WDR35: variants seen among roughly 807,000 people sequenced by gnomAD.
The protein encoded by WDR35 is WD repeat domain 35, also known as WD repeat-containing protein 35.
In WDR35, 118 loss-of-function variants were observed where a neutral mutation model predicts 158.3. The ratio of observed to expected loss-of-function variants is 0.75; its 90% CI spans 0.64 to 0.87. The LOEUF is 0.87. Ranked by LOEUF, WDR35 falls within the 40% of genes least tolerant of loss-of-function variation. The pLI, the probability that WDR35 is intolerant of heterozygous loss-of-function variation, is 0.00. For missense variants in WDR35, 1,263 were observed against 1,405.8 expected (o/e 0.90, Z 1.62); for synonymous variants, 448 against 476.1 (o/e 0.94, Z 0.77).
chr2:19,936,073 G>A lies in WDR35; in HGVS notation c.2414+146C>T, dbSNP rs542459708. 1.0e-4 allele frequency: 133 copies of A among 1,331,440 alleles called. 1 individual carries two copies. The highest frequency in any genetic ancestry group is 1.9e-4 in the African/African-American group (13 of 68,518). 82.5% of individuals were successfully genotyped at this position (1,331,440 alleles called of 1,614,324 possible). Reference sequence around the variant, plus strand: ...CATCTCACAACTTCACAGGATCTCCGGCTTTCCAAGATGAATCTAGAGCTA... The same window carrying A: ...CATCTCACAACTTCACAGGATCTCCAGCTTTCCAAGATGAATCTAGAGCTA... On this transcript the variant is annotated intron_variant, in intron 20 of 26. Coordinates refer to ENST00000281405, the MANE Select transcript of WDR35 (RefSeq NM_020779.4).
chr2:19,912,381 CTTTT>C lies in WDR35; in HGVS notation c.*1173_*1176del, dbSNP rs1399420870. The C allele has an allele frequency of 6.6e-6, 1 of 152,180 alleles. No homozygotes were observed. Among genetic ancestry groups the C allele is most frequent in the African/African-American group, 2.4e-5 (1 of 41,442 alleles). The allele number at this position is 152,180 out of a possible 1,614,324, so 9.4% of individuals were successfully genotyped here. On this transcript the variant is annotated 3_prime_UTR_variant, in exon 27 of 27. Coordinates refer to ENST00000281405, the MANE Select transcript of WDR35 (RefSeq NM_020779.4). ...AGACCTCAAAGACTTCTGGTCTTCTCTTTTTATTTAGGCCAATGAGCCCACTCTC... is the reference window on the plus strand; with the variant it reads ...AGACCTCAAAGACTTCTGGTCTTCTCTATTTAGGCCAATGAGCCCACTCTC...
At chr2:19,949,650 A>G (rs1288802903) in intron 13 of WDR35, among the ~76,000 whole-genome samples, 1 of 152,244 alleles carries the variant, frequency 6.6e-6, no homozygotes, top group African/African-American at 2.4e-5. Context: ...ACAAAGACAC[A>G]CAGTATTTCC....
At chr2:19,922,717 TA>T (rs1013338886) in intron 25 of WDR35, among the ~76,000 whole-genome samples, 57 of 151,826 alleles carry the variant, frequency 3.8e-4, no homozygotes, top group Non-Finnish European at 5.9e-4. Flanking sequence ...AAAGTATAAT[TA>T]AAAAAAAGTA....
Position 19,936,348 on chromosome 2 carries a change from A to T in WDR35, c.2285T>A (p.Leu762His). ...EMDRRDLAIG[L>H]RLKLGDWFRV... ...AAACCAATCCCCCAATTTCAGCCGG[A>T]GGCCAATAGCAAGATCCCTACAAAC... Residue 762 changes from leucine to histidine, a missense_variant, in exon 20 of 27, where the codon CTC (leucine) becomes CAC (histidine). By Grantham distance (99) the Leu-to-His change is moderately conservative. Transcript: ENST00000281405. The T allele has an allele frequency of 6.2e-7, 1 of 1,613,964 alleles. No individual in the cohort carries two copies. Among genetic ancestry groups the T allele is most frequent in the Non-Finnish European group, 8.5e-7 (1 of 1,179,888 alleles).
chr2:19,915,487 A>T (rs1234052342), intron 25 of WDR35, among the ~76,000 whole-genome samples: 1 of 151,886 alleles, frequency 6.6e-6, no homozygotes, highest in Non-Finnish European at 1.5e-5. Context: ...TAGGTGAAGC[A>T]TCTCAAGTTA....
At chr2:19,988,852 G>A (rs1054203716) in intron 2 of WDR35, among the ~76,000 whole-genome samples, 1 of 152,172 alleles carries the variant, frequency 6.6e-6, no homozygotes, top group Non-Finnish European at 1.5e-5. Flanking sequence ...GTGAAATGTT[G>A]ACTCACAGGA....
At chr2:19,968,514 A>C (rs1671930267) in intron 9 of WDR35, among the ~76,000 whole-genome samples, 1 of 152,210 alleles carries the variant, frequency 6.6e-6, no homozygotes. Context: ...CAATAAAATA[A>C]TACATCATTT....
chr2:19,921,081 G>A (rs1670151507), intron 25 of WDR35, among the ~76,000 whole-genome samples: 1 of 152,034 alleles, frequency 6.6e-6, no homozygotes, highest in South Asian at 2.1e-4. Context: ...AAATAAGAGA[G>A]GACACAAACA....
rs199952377 is a variant in WDR35, at chr2:19,941,796, A to C, written c.1889T>G (p.Leu630Ter). The C allele has an allele frequency of 1.2e-4, 181 of 1,573,428 alleles. No individual in the cohort carries two copies. Among genetic ancestry groups the C allele is most frequent in the Non-Finnish European group, 1.4e-4 (159 of 1,151,602 alleles). The change falls in exon 17 of 27, where the codon TTA becomes TGA. Residue 630 changes from leucine to a stop codon, truncating the protein, a stop_gained. Transcript: ENST00000281405. LOFTEE classifies it high-confidence loss of function. ...TSGYICNFEDLEIKSVLLDEI... is the reference protein window; with the variant it reads ...TSGYICNFED ...ATCCAAAAGAACAGATTTAATTTCT[A>C]AATCCTCAAAATTACAAATATATCC...
At position 19,948,147 on chromosome 2, in the gene WDR35, G is replaced by A. The variant is rs553826369; in HGVS notation, c.1524+17C>T. 6.3e-7 allele frequency: 1 copy of A among 1,596,320 alleles called. No homozygotes were observed. Among genetic ancestry groups the A allele is most frequent in the African/African-American group, 1.3e-5 (1 of 74,622 alleles). ...TAAAGAATTATTATTCATAAAATAA[G>A]TTTTTGCAAAACTTACCACAATCAA... On this transcript the variant is annotated intron_variant, in intron 14 of 26. Coordinates refer to ENST00000281405, the MANE Select transcript of WDR35 (RefSeq NM_020779.4).
intron 14 of WDR35, 107 bp downstream of exon 14, chr2:19,948,057 C>A: frequency 1.1e-6 from 1 of 879,294 alleles, no homozygotes; most frequent in Admixed American, 2.5e-5. Context: ...CCTGCTTCAG[C>A]TTCCCAAGTA....
At position 19,974,481 on chromosome 2, in the gene WDR35, A is replaced by G. The variant is rs774458034; in HGVS notation, c.723T>C (p.His241=). 3 of 1,608,858 alleles carry G rather than the reference A, an allele frequency of 1.9e-6. No individual in the cohort carries two copies. Among genetic ancestry groups the G allele is most frequent in the Middle Eastern group, 1.7e-4 (1 of 6,024 alleles). ...AAAATTCCTTACTTTGGTCATTCTC[A>G]TGTCTCATTATTTGGCATCTTCCAT... ...FDNGRCQIMR[H]ENDQNPVLID... is the part of the protein sequence containing the mutation. The change falls in exon 7 of 27, where the codon CAT becomes CAC. Residue 241 remains histidine, a synonymous_variant. Transcript: ENST00000281405.
At chr2:19,945,680 G>T in intron 16 of WDR35, 106 bp downstream of exon 16, 1 of 1,204,908 alleles carries the variant, frequency 8.3e-7, no homozygotes, top group Non-Finnish European at 1.2e-6. Flanking sequence ...CAGCCGTGTT[G>T]GCACTGCTAT....
chr2:19,930,653 T>G, intron 24 of WDR35, 101 bp from the exon 25 acceptor site: 1 of 1,542,508 alleles, frequency 6.5e-7, no homozygotes, highest in Non-Finnish European at 8.9e-7. Context: ...TGAGCAGATT[T>G]TATCATTACA....
At chr2:19,923,253 C>T (rs1263963288) in intron 25 of WDR35, among the ~76,000 whole-genome samples, 1 of 152,110 alleles carries the variant, frequency 6.6e-6, no homozygotes, top group Non-Finnish European at 1.5e-5. Context: ...CCGAGCTGGT[C>T]TCGGCAAGTG....
chr2:19,966,782 A>T lies in WDR35; in HGVS notation c.1136T>A (p.Ile379Asn), dbSNP rs1298158824. Residue 379 changes from isoleucine to asparagine, a missense_variant, in exon 10 of 27, where the codon ATT becomes AAT. Coordinates refer to ENST00000281405, the MANE Select transcript of WDR35 (RefSeq NM_020779.4). ...AATGCAGAAATCTCCACAGGTAGTA[A>T]TAGAAATGAGACCCTTCACATATTT... ...YVKYVKGLISITTCGDFCILA... is the reference protein window; with the variant it reads ...YVKYVKGLISNTTCGDFCILA... 6.2e-6 allele frequency: 10 copies of T among 1,613,932 alleles called. No homozygotes were observed. In the Admixed American group the frequency reaches 1.7e-4, roughly 27 times the overall value.
At chr2:19,970,508 C>T (rs1672005486) in intron 8 of WDR35, among the ~76,000 whole-genome samples, 1 of 152,168 alleles carries the variant, frequency 6.6e-6, no homozygotes, top group African/African-American at 2.4e-5. Flanking sequence ...TCTGCTGTCA[C>T]AATTATCTTT....
chr2:19,939,807 C>A (rs553111166), intron 17 of WDR35, among the ~76,000 whole-genome samples: 1 of 151,854 alleles, frequency 6.6e-6, no homozygotes, highest in African/African-American at 2.4e-5. Flanking sequence ...ATCAATTTAA[C>A]CAACACTTTC....
chr2:19,946,622 A>G (rs765671426), intron 14 of WDR35, 52 bp from the exon 15 acceptor site: 1 of 1,500,524 alleles, frequency 6.7e-7, no homozygotes. Context: ...TAATAATATT[A>G]AACTACAACT....
Sources: allele counts gnomAD v4.1 joint callset (sites outside exome capture counted in the v4.1 genomes callset), GRCh38; gene constraint gnomAD v4.1.1; transcripts MANE v1.5; gene names NCBI Gene and HGNC (gene_info 2026-07-23, HGNC 2026-07-21).